Variants in SPAG9 observed in about 807,000 individuals in gnomAD.
SPAG9 encodes sperm associated antigen 9, also known as C-Jun-amino-terminal kinase-interacting protein 4.
In SPAG9, 35 loss-of-function variants were observed where a neutral mutation model predicts 166.5. The observed-to-expected ratio is 0.21, with a 90% confidence interval of 0.16 to 0.28. The LOEUF (loss-of-function observed/expected upper bound fraction) is 0.28, where lower values mean the gene tolerates loss of function less well. SPAG9 is among the 10% of genes least tolerant of loss of function. The pLI is 1.00. For synonymous variants in SPAG9, 534 were observed against 565.5 expected (o/e 0.94, Z 0.79); for missense variants, 1,235 against 1,603.3 (o/e 0.77, Z 3.92).
At chr17:50,974,991 C>T (rs1453110528) in intron 27 of SPAG9, 44 bp from the exon 28 acceptor site, 2 of 1,573,528 alleles carry the variant, frequency 1.3e-6, no homozygotes, top group Non-Finnish European at 8.7e-7. Flanking sequence ...CCCTAGAAAA[C>T]AGTAATGAAT....
At chr17:51,093,944 A>T (rs2048542608) in intron 1 of SPAG9, among the ~76,000 whole-genome samples, 1 of 152,148 alleles carries the variant, frequency 6.6e-6, no homozygotes, top group Non-Finnish European at 1.5e-5. Flanking sequence ...GAAATTTTAG[A>T]CTAGGAACAC....
At chr17:51,067,328 T>C (rs2047701773) in intron 2 of SPAG9, among the ~76,000 whole-genome samples, 1 of 152,170 alleles carries the variant, frequency 6.6e-6, no homozygotes, top group South Asian at 2.1e-4. Flanking sequence ...GAGCCATCTC[T>C]TTAAAGTCCT....
chr17:51,107,988 T>A (rs1390180249), intron 1 of SPAG9, among the ~76,000 whole-genome samples: 1 of 149,422 alleles, frequency 6.7e-6, no homozygotes, highest in Non-Finnish European at 1.5e-5. Context: ...CCAGAGGAAA[T>A]CTTATCAGCA....
chr17:51,018,989 T>C (rs894586852), intron 8 of SPAG9, among the ~76,000 whole-genome samples: 11 of 152,134 alleles, frequency 7.2e-5, no homozygotes, highest in Admixed American at 7.2e-4. Flanking sequence ...AATGTGATAG[T>C]ATTAAGATGG....
chr17:50,995,621 A>G (rs1408625613), intron 16 of SPAG9, 88 bp from the exon 17 acceptor site: 2 of 807,428 alleles, frequency 2.5e-6, no homozygotes, highest in Non-Finnish European at 2.1e-6. Context: ...AGACATGAGC[A>G]AGCACTGCTG....
chr17:50,992,338 T>C (rs1975647165), intron 19 of SPAG9, among the ~76,000 whole-genome samples: 1 of 152,238 alleles, frequency 6.6e-6, no homozygotes, highest in African/African-American at 2.4e-5. Context: ...AAGGTTCATC[T>C]GTGTTATAAC....
At chr17:51,066,567 G>GGAAAAAAAAAAAAAA (rs2047674151) in intron 2 of SPAG9, among the ~76,000 whole-genome samples, 1 of 110,838 alleles carries the variant, frequency 9.0e-6, no homozygotes, top group African/African-American at 3.6e-5. Context: ...AAAAAAAAAA[G>GGAAAAAAAAAAAAAA]AAAAAAAAAA....
intron 5 of SPAG9, among the ~76,000 whole-genome samples, chr17:51,040,184 T>C (rs758338556): frequency 2.7e-4 from 40 of 150,368 alleles, no homozygotes; most frequent in Non-Finnish European, 3.4e-4. Context: ...TGAGCCAAGG[T>C]TGAAATGAGC....
chr17:50,984,001 T>A (rs1974844108), intron 24 of SPAG9, among the ~76,000 whole-genome samples: 1 of 152,190 alleles, frequency 6.6e-6, no homozygotes. Context: ...GGAAAAGCTT[T>A]TCTAAAATCC....
chr17:50,984,205 A>G (rs1974858760), intron 24 of SPAG9, among the ~76,000 whole-genome samples: 1 of 152,152 alleles, frequency 6.6e-6, no homozygotes, highest in Non-Finnish European at 1.5e-5. Context: ...AATGGTTTTA[A>G]AGGGGGAGAA....
At chr17:51,039,443 T>C (rs2046745036) in intron 5 of SPAG9, among the ~76,000 whole-genome samples, 1 of 152,180 alleles carries the variant, frequency 6.6e-6, no homozygotes, top group African/African-American at 2.4e-5. Flanking sequence ...GTAACATGAT[T>C]TACAAACTAG....
At chr17:51,119,754 AT>A (rs1568105906) in intron 1 of SPAG9, among the ~76,000 whole-genome samples, 2 of 152,198 alleles carry the variant, frequency 1.3e-5, no homozygotes, top group Non-Finnish European at 2.9e-5. Flanking sequence ...GAAATTGTTT[AT>A]ATATTTATTG....
rs767366997 is a variant in SPAG9, at chr17:50,970,793, G to A, written c.3764C>T (p.Pro1255Leu). 1 of 1,614,040 alleles carries A rather than the reference G, an allele frequency of 6.2e-7. No homozygotes were observed. Among genetic ancestry groups the A allele is most frequent in the South Asian group, 1.1e-5 (1 of 91,080 alleles). ...CTGACTACCAGGCTCCTGTGCAGAT[G>A]GCCCTGCTTTGTCACCCGTCAGATC... ...GTDLTGDKAG[P>L]SAQEPGSQTP... The change falls in exon 29 of 30, where the codon CCA (proline) becomes CTA (leucine). Residue 1255 changes from proline to leucine, a missense_variant. Coordinates refer to ENST00000262013, the MANE Select transcript of SPAG9 (RefSeq NM_001130528.3).
intron 8 of SPAG9, 59 bp from the exon 9 acceptor site, chr17:51,014,412 T>C (rs2045615012): frequency 2.0e-6 from 3 of 1,514,506 alleles, no homozygotes; most frequent in South Asian, 1.3e-5. Context: ...TTTGACGCTG[T>C]AAAATGAATA....
intron 5 of SPAG9, among the ~76,000 whole-genome samples, chr17:51,037,698 G>A (rs1157498272): frequency 2.3e-4 from 24 of 102,736 alleles, no homozygotes; most frequent in African/African-American, 7.8e-4. Context: ...GTGTGTGTGT[G>A]TGTGTGTGTG....
At chr17:51,056,505 T>A (rs770855860) in intron 2 of SPAG9, 23 bp from the exon 3 acceptor site, 1 of 1,446,298 alleles carries the variant, frequency 6.9e-7, no homozygotes, top group Non-Finnish European at 9.7e-7. Context: ...TACATACACT[T>A]GATCAAAACA....
At chr17:51,011,747 T>C (rs1015511054) in intron 9 of SPAG9, among the ~76,000 whole-genome samples, 2 of 152,192 alleles carry the variant, frequency 1.3e-5, no homozygotes, top group Non-Finnish European at 2.9e-5. Context: ...TACAGTAATA[T>C]ATTAAAATAT....
chr17:51,077,065 G>GCTAGCTAT (rs1436849967), intron 2 of SPAG9, among the ~76,000 whole-genome samples: 4 of 114,270 alleles, frequency 3.5e-5, no homozygotes, highest in Admixed American at 9.0e-5. Flanking sequence ...TAGCTATCTA[G>GCTAGCTAT]CTAGCTATCT....
At chr17:51,074,464 C>T (rs899089970) in intron 2 of SPAG9, among the ~76,000 whole-genome samples, 1 of 152,142 alleles carries the variant, frequency 6.6e-6, no homozygotes, top group Non-Finnish European at 1.5e-5. Flanking sequence ...TTATCAACTT[C>T]GTGCATCTGA....
Sources: gnomAD v4.1 joint callset for allele counts (sites outside exome capture counted in the v4.1 genomes callset) on GRCh38, gnomAD v4.1.1 for gene constraint, MANE v1.5 for transcripts, NCBI Gene and HGNC (gene_info 2026-07-23, HGNC 2026-07-21) for gene names.